ZNF263: variants seen among roughly 807,000 people sequenced by gnomAD.
ZNF263 encodes the protein zinc finger protein 263.
Under a neutral mutation model 63.1 loss-of-function variants are expected in ZNF263, and 49 were observed. The ratio of observed to expected loss-of-function variants is 0.78; its 90% CI spans 0.62 to 0.99. The LOEUF (loss-of-function observed/expected upper bound fraction) is 0.99, where lower values mean the gene tolerates loss of function less well. ZNF263 is among the 50% of genes least tolerant of loss of function. The probability of loss-of-function intolerance (pLI) is 0.00; values close to 1 mark genes in which losing one functional copy is unlikely to be tolerated. For missense variants in ZNF263, 872 were observed against 854.8 expected (o/e 1.02, Z -0.25); for synonymous variants, 352 against 324.2 (o/e 1.09, Z -0.92).
Position 3,298,398 on chromosome 16 carries a change from G to C in ZNF263, c.152-708G>C, listed in dbSNP as rs1596377167. Among the ~76,000 whole-genome samples the C allele has an allele frequency of 3.9e-5, 6 of 152,340 alleles. 1 individual carries two copies. In the South Asian group the frequency reaches 1.2e-3, roughly 32 times the overall value. On this transcript the variant is annotated intron_variant, in intron 1 of 2. Transcript: ENST00000574674. The stretch of plus-strand genomic sequence containing the variant: ...ACAAACCATAAAATATGTTAAGACA[G>C]TAAGAGATAAGGTTTTATTTACAAT...
chr16:3,297,456 CTTTTTTTTTTTTTTTTT>C (rs1168352573), intron 1 of ZNF263, among the ~76,000 whole-genome samples: 1 of 76,444 alleles, frequency 1.3e-5, no homozygotes, highest in Non-Finnish European at 2.4e-5. Context: ...GAAACAGATT[CTTTTTTTTTTTTTTTTT>C]TTTTTTTTTG....
intron 2 of ZNF263, chr16:3,300,420 C>A (rs756100312): frequency 1.0e-4 from 165 of 1,614,010 alleles, no homozygotes; most frequent in Non-Finnish European, 1.4e-4. Flanking sequence ...TCTTCTCAGC[C>A]CCTACTAATG....
At position 3,285,937 on chromosome 16, in the gene ZNF263, C is replaced by T. The variant is rs1596369951; in HGVS notation, c.643-86C>T. The stretch of plus-strand genomic sequence containing the variant: ...TTCCCCCCTGACATGTGCTTGGCAT[C>T]CCTGGATTTTGCCCCTTTAACCCAT... On this transcript the variant is annotated intron_variant, in intron 3 of 5. Coordinates refer to ENST00000219069, the MANE Select transcript of ZNF263 (RefSeq NM_005741.5). 1.9e-6 allele frequency: 3 copies of T among 1,606,466 alleles called. No homozygotes were observed. The African/African-American group carries it at 4.0e-5, about 22-fold the overall frequency.
At chr16:3,294,820 C>T (rs889688659), downstream of ZNF263, among the ~76,000 whole-genome samples, 2 of 152,142 alleles carry the variant, frequency 1.3e-5, no homozygotes, top group African/African-American at 2.4e-5. Context: ...CTCAAGCATC[C>T]CCAACGTGCT....
intron 1 of ZNF263, among the ~76,000 whole-genome samples, chr16:3,296,760 T>G (rs1250059030): frequency 6.6e-6 from 1 of 150,912 alleles, no homozygotes; most frequent in African/African-American, 2.5e-5. Flanking sequence ...AGGAACCCAC[T>G]TACAGCAACA....
chr16:3,286,319 A>AC, intron 4 of ZNF263, 170 bp downstream of exon 4: 10 of 940,450 alleles, frequency 1.1e-5, no homozygotes, highest in Middle Eastern at 3.6e-4. Context: ...GCCAAGTGGT[A>AC]CAGTTGGCAC....
At chr16:3,300,019 C>G (rs1383293121) in intron 2 of ZNF263, 3 of 1,614,046 alleles carry the variant, frequency 1.9e-6, no homozygotes, top group African/African-American at 2.7e-5. Context: ...CCCTGGTAGG[C>G]AGATATCTTT....
At chr16:3,298,168 G>A (rs1441055752) in intron 1 of ZNF263, among the ~76,000 whole-genome samples, 1 of 152,206 alleles carries the variant, frequency 6.6e-6, no homozygotes, top group Non-Finnish European at 1.5e-5. Flanking sequence ...CAGAAATAGT[G>A]CCGTATGATG....
At chr16:3,295,742 AG>A (rs1164027852), downstream of ZNF263, among the ~76,000 whole-genome samples, 5 of 152,238 alleles carry the variant, frequency 3.3e-5, no homozygotes, top group African/African-American at 1.2e-4. Context: ...GGGACAGAAA[AG>A]GAAGGCAGGG....
Position 3,289,926 on chromosome 16 carries a change from A to C in ZNF263, c.1420A>C (p.Asn474His), listed in dbSNP as rs749384534. The change falls in exon 6 of 6, where the codon AAC (asparagine) becomes CAC (histidine). Residue 474 changes from asparagine (N) to histidine (H), a missense_variant. By Grantham distance (68) the Asn-to-His change is moderately conservative. Coordinates refer to ENST00000219069, the MANE Select transcript of ZNF263 (RefSeq NM_005741.5). ...CNICGKCFSCNSNLHRHQRTH... is the reference protein window; with the variant it reads ...CNICGKCFSCHSNLHRHQRTH... ...CATTTGCGGAAAATGTTTCTCCTGC[A>C]ACTCCAACCTCCACAGGCACCAGAG... 9 of 1,614,176 alleles carry C rather than the reference A, an allele frequency of 5.6e-6. No homozygotes were observed. The highest frequency in any genetic ancestry group is 7.6e-6 in the Non-Finnish European group (9 of 1,180,044).
chr16:3,299,947 TTA>T, intron 2 of ZNF263: 1 of 1,613,404 alleles, frequency 6.2e-7, no homozygotes, highest in Non-Finnish European at 8.5e-7. Context: ...TGACTTTAAT[TTA>T]TGAGTTCCGT....
Position 3,284,202 on chromosome 16 carries a change from A to G in ZNF263, c.384A>G (p.Gln128=), listed in dbSNP as rs1959255395. The part of the protein sequence containing the change: ...DMQRELGRLR[Q]QVTNHGRGTE... ...AGAGAGAGCTTGGGAGACTGAGACA[A>G]CAGGTGAGAGAGAGAGAGAGCTGTT... The change falls in exon 1 of 6, where the codon CAA becomes CAG. Residue 128 remains glutamine, a synonymous_variant. Transcript: ENST00000219069. 2 of 1,533,608 alleles carry G rather than the reference A, an allele frequency of 1.3e-6. No homozygotes were observed.
rs145207288 is a variant in ZNF263 at position 3,299,432 on chromosome 16, T to G, written c.*46+276T>G. On this transcript the variant is annotated intron_variant, in intron 2 of 2. Transcript: ENST00000574674. ...AGAAGATTTTCCCATGCATTTGCTA[T>G]GGTTATTTGTTTTACTTCTTCCCAA... 3 of 1,562,108 alleles carry G rather than the reference T, an allele frequency of 1.9e-6. No individual in the cohort carries two copies. The East Asian group carries it at 6.9e-5, about 36-fold the overall frequency.
At chr16:3,297,425 T>G (rs1959781222) in intron 1 of ZNF263, among the ~76,000 whole-genome samples, 2 of 151,182 alleles carry the variant, frequency 1.3e-5, no homozygotes, top group African/African-American at 4.9e-5. Context: ...TATTCACCAG[T>G]GTAACAGAAT....
chr16:3,290,388 G>C lies in ZNF263; in HGVS notation c.1882G>C (p.Glu628Gln). Residue 628 changes from glutamate to glutamine, a missense_variant, in exon 6 of 6, where the codon GAA becomes CAA. Coordinates refer to ENST00000219069, the MANE Select transcript of ZNF263 (RefSeq NM_005741.5). The stretch of plus-strand genomic sequence containing the variant: ...CAGGCACCAGAGAATCCACACAGGA[G>C]AAAAACCCTATACCTGTCATGAGTG... ...LIRHQRIHTG[E>Q]KPYTCHECGD... is the part of the protein sequence containing the mutation. 6.2e-7 allele frequency: 1 copy of C among 1,614,170 alleles called. No individual in the cohort carries two copies. Among genetic ancestry groups the C allele is most frequent in the East Asian group, 2.2e-5 (1 of 44,886 alleles).
chr16:3,288,607 G>A lies in ZNF263; in HGVS notation c.886+37G>A, dbSNP rs1339407764. On this transcript the variant is annotated intron_variant, in intron 5 of 5. Coordinates refer to ENST00000219069, the MANE Select transcript of ZNF263 (RefSeq NM_005741.5). Reference sequence around the variant, plus strand: ...AGACAAGTGGCCTGCGCAGCAAGCAGCAAGGCTCTTGCAGTTAAGAGTGAG... The same window carrying A: ...AGACAAGTGGCCTGCGCAGCAAGCAACAAGGCTCTTGCAGTTAAGAGTGAG... 1.0e-5 allele frequency: 15 copies of A among 1,498,462 alleles called. No individual in the cohort carries two copies. The East Asian group carries it at 3.2e-4, about 32-fold the overall frequency. The allele number at this position is 1,498,462 out of a possible 1,614,324, so 92.8% of individuals were successfully genotyped here.
rs1406226877 is a variant in ZNF263 at position 3,285,029 on chromosome 16, T to C, written c.388-30T>C. 3 of 1,612,218 alleles carry C rather than the reference T, an allele frequency of 1.9e-6. No individual in the cohort carries two copies. The South Asian group carries it at 3.3e-5, about 18-fold the overall frequency. ...TTTCCCTTCCTCTTGGGCCCTGTTG[T>C]GATGATGAGTGATGTGGGTTGGTTC... On this transcript the variant is annotated intron_variant, in intron 1 of 5. Coordinates refer to ENST00000219069, the MANE Select transcript of ZNF263 (RefSeq NM_005741.5).
chr16:3,298,245 T>C (rs1959819630), intron 1 of ZNF263, among the ~76,000 whole-genome samples: 1 of 152,268 alleles, frequency 6.6e-6, no homozygotes, highest in Non-Finnish European at 1.5e-5. Flanking sequence ...CCAGTTTATG[T>C]GACCTTTGTC....
chr16:3,298,904 A>C, intron 1 of ZNF263: 2 of 677,326 alleles, frequency 3.0e-6, no homozygotes, highest in Non-Finnish European at 4.5e-6. Flanking sequence ...TCAGTTGCTA[A>C]AACAAGACAA....
Sources: gnomAD v4.1 joint callset for allele counts (sites outside exome capture counted in the v4.1 genomes callset) on GRCh38, gnomAD v4.1.1 for gene constraint, MANE v1.5 for transcripts, NCBI Gene and HGNC (gene_info 2026-07-23, HGNC 2026-07-21) for gene names.